KCND2: variants seen among roughly 807,000 people sequenced by gnomAD.
The protein encoded by KCND2 is potassium voltage-gated channel subfamily D member 2.
KCND2 carries 16 observed loss-of-function variants against 54.4 expected under a neutral mutation model. The ratio of observed to expected loss-of-function variants is 0.29; its 90% CI spans 0.20 to 0.45. KCND2 has a LOEUF of 0.45. Ranked by LOEUF, KCND2 falls within the 20% of genes least tolerant of loss-of-function variation. The pLI is 1.00. For missense variants in KCND2, 486 were observed against 824.2 expected (o/e 0.59, Z 5.02); for synonymous variants, 317 against 310.7 (o/e 1.02, Z -0.21).
At chr7:120,416,615 C>T (rs1860705) in intron 1 of KCND2, among the ~76,000 whole-genome samples, 92,436 of 151,980 alleles carry the variant, frequency 0.61, 33,018 homozygotes, top group South Asian at 0.86. Context: ...CAGTGTATTG[C>T]TCTCACAACC....
At chr7:120,282,631 T>A (rs1799283658) in intron 1 of KCND2, among the ~76,000 whole-genome samples, 1 of 152,134 alleles carries the variant, frequency 6.6e-6, no homozygotes, top group South Asian at 2.1e-4. Context: ...AGGATGACAG[T>A]TGAGATAATG....
chr7:120,699,334 A>T (rs765741059), intron 1 of KCND2, among the ~76,000 whole-genome samples: 5 of 152,192 alleles, frequency 3.3e-5, no homozygotes, highest in Non-Finnish European at 7.3e-5. Flanking sequence ...ATTATGGATC[A>T]ATTTGCAAAG....
chr7:120,435,597 A>G (rs533801859), intron 1 of KCND2, among the ~76,000 whole-genome samples: 102 of 152,292 alleles, frequency 6.7e-4, no homozygotes, highest in African/African-American at 2.0e-3. Context: ...TAACCCTATT[A>G]CAAAATTAAT....
chr7:120,586,438 A>T (rs769548850), intron 1 of KCND2, among the ~76,000 whole-genome samples: 1 of 152,218 alleles, frequency 6.6e-6, no homozygotes, highest in Non-Finnish European at 1.5e-5. Context: ...GTTCATTATC[A>T]AACTTGTAAG....
chr7:120,374,809 T>C (rs1471274762), intron 1 of KCND2, among the ~76,000 whole-genome samples: 1 of 151,882 alleles, frequency 6.6e-6, no homozygotes, highest in Non-Finnish European at 1.5e-5. Context: ...TGCCTGAGTG[T>C]GCATCTTTCC....
chr7:120,742,349 T>A (rs1444952948), intron 3 of KCND2, 161 bp from the exon 4 acceptor site: 2 of 659,174 alleles, frequency 3.0e-6, no homozygotes, highest in African/African-American at 1.8e-5. Context: ...TAAATGCCGA[T>A]CATCCAACTT....
chr7:120,585,238 G>A (rs1028719610), intron 1 of KCND2, among the ~76,000 whole-genome samples: 2 of 151,846 alleles, frequency 1.3e-5, no homozygotes, highest in Non-Finnish European at 2.9e-5. Context: ...TCACCTCTGT[G>A]AACAAATGTC....
At chr7:120,495,538 A>G (rs1438095422) in intron 1 of KCND2, among the ~76,000 whole-genome samples, 1 of 152,196 alleles carries the variant, frequency 6.6e-6, no homozygotes, top group Admixed American at 6.5e-5. Context: ...GATCAACCTA[A>G]TGCATTTTAA....
At chr7:120,606,738 A>G (rs1425201578) in intron 1 of KCND2, among the ~76,000 whole-genome samples, 3 of 151,882 alleles carry the variant, frequency 2.0e-5, no homozygotes, top group Admixed American at 6.6e-5. Flanking sequence ...GTAATATAAT[A>G]TATATAAAAG....
chr7:120,312,596 G>A (rs749597980), intron 1 of KCND2, among the ~76,000 whole-genome samples: 3 of 152,178 alleles, frequency 2.0e-5, no homozygotes, highest in East Asian at 1.9e-4. Context: ...TGGCTATGGC[G>A]ACAAAAATTC....
chr7:120,658,438 G>T (rs1387226481), intron 1 of KCND2, among the ~76,000 whole-genome samples: 3 of 152,196 alleles, frequency 2.0e-5, no homozygotes, highest in Non-Finnish European at 4.4e-5. Flanking sequence ...AGTGACATGG[G>T]ATTTAAGCAT....
At chr7:120,407,405 G>A (rs1276140506) in intron 1 of KCND2, among the ~76,000 whole-genome samples, 2 of 152,138 alleles carry the variant, frequency 1.3e-5, no homozygotes, top group South Asian at 4.1e-4. Context: ...AAGTGTGACA[G>A]CACTTCATGC....
At chr7:120,550,997 A>C (rs1425576322) in intron 1 of KCND2, among the ~76,000 whole-genome samples, 1 of 152,224 alleles carries the variant, frequency 6.6e-6, no homozygotes, top group Non-Finnish European at 1.5e-5. Flanking sequence ...TAAAGAATAA[A>C]GAGAATTTGC....
rs376486696 is a variant in KCND2 at position 120,639,903 on chromosome 7, A to ATT, written c.1116-92991_1116-92990dup. Among the ~76,000 whole-genome samples the ATT allele has an allele frequency of 7.4e-5, 11 of 149,030 alleles. 1 individual carries two copies. The South Asian group carries it at 1.9e-3, about 26-fold the overall frequency. ...ACGAATATCCCATTGTACATTTTCT[A>ATT]TTTTTTTTTTACCTAATAAACTTAA... On this transcript the variant is annotated intron_variant, in intron 1 of 5. Coordinates refer to ENST00000331113, the MANE Select transcript of KCND2 (RefSeq NM_012281.3).
At chr7:120,448,233 A>G (rs1387499292) in intron 1 of KCND2, among the ~76,000 whole-genome samples, 3 of 148,336 alleles carry the variant, frequency 2.0e-5, no homozygotes, top group Non-Finnish European at 3.0e-5. Flanking sequence ...CCTGTGTCCA[A>G]GTGTTCTCAT....
chr7:120,619,732 C>T (rs964559586), intron 1 of KCND2, among the ~76,000 whole-genome samples: 2 of 152,096 alleles, frequency 1.3e-5, no homozygotes, highest in Non-Finnish European at 2.9e-5. Context: ...ACAATGGCAA[C>T]GGAAATGAAA....
At chr7:120,633,995 A>G (rs150306747) in intron 1 of KCND2, among the ~76,000 whole-genome samples, 44 of 152,362 alleles carry the variant, frequency 2.9e-4, no homozygotes, top group African/African-American at 9.6e-4. Context: ...TGTCAAACAT[A>G]TAGAAGATAT....
intron 1 of KCND2, among the ~76,000 whole-genome samples, chr7:120,683,309 T>C (rs1304623340): frequency 6.6e-6 from 1 of 152,136 alleles, no homozygotes; most frequent in Non-Finnish European, 1.5e-5. Flanking sequence ...ATCTTACTAG[T>C]TGGCATTTAT....
chr7:120,441,935 C>T (rs1025883511), intron 1 of KCND2, among the ~76,000 whole-genome samples: 5 of 152,062 alleles, frequency 3.3e-5, no homozygotes, highest in African/African-American at 1.2e-4. Flanking sequence ...CTCTGGTCTC[C>T]ACCCATTATC....
Sources: allele counts gnomAD v4.1 joint callset (sites outside exome capture counted in the v4.1 genomes callset), GRCh38; gene constraint gnomAD v4.1.1; transcripts MANE v1.5; gene names NCBI Gene and HGNC (gene_info 2026-07-23, HGNC 2026-07-21).